Variants in LRRC7 observed in about 807,000 individuals in gnomAD.
The protein encoded by LRRC7 is leucine-rich repeat-containing protein 7.
Under a neutral mutation model 175.7 loss-of-function variants are expected in LRRC7, and 23 were observed. The ratio of observed to expected loss-of-function variants is 0.13; its 90% CI spans 0.09 to 0.19. LRRC7 has a LOEUF of 0.19. LRRC7 is among the 10% of genes least tolerant of loss of function. The probability of loss-of-function intolerance (pLI) is 1.00; values close to 1 mark genes in which losing one functional copy is unlikely to be tolerated. For synonymous variants in LRRC7, 685 were observed against 680.9 expected (o/e 1.01, Z -0.09); for missense variants, 1,354 against 1,904.7 (o/e 0.71, Z 5.38).
intron 8 of LRRC7, among the ~76,000 whole-genome samples, chr1:69,942,259 A>T (rs1008183144): frequency 1.3e-4 from 20 of 152,240 alleles, no homozygotes; most frequent in Non-Finnish European, 1.6e-4. Context: ...GTATCCCCAT[A>T]CAACTTCCTT....
chr1:69,616,246 TC>T (rs892103836), intron 1 of LRRC7, among the ~76,000 whole-genome samples: 6 of 152,034 alleles, frequency 3.9e-5, no homozygotes, highest in Admixed American at 2.0e-4. Flanking sequence ...AGTTAATTTT[TC>T]ATTGGTAAAG....
At chr1:69,997,844 A>G (rs1227044844) in intron 11 of LRRC7, among the ~76,000 whole-genome samples, 1 of 152,012 alleles carries the variant, frequency 6.6e-6, no homozygotes, top group Non-Finnish European at 1.5e-5. Context: ...TTCATCAAGG[A>G]TATTGGTCTA....
At chr1:69,934,198 A>T (rs756790707) in intron 8 of LRRC7, among the ~76,000 whole-genome samples, 2 of 152,164 alleles carry the variant, frequency 1.3e-5, no homozygotes, top group Non-Finnish European at 2.9e-5. Context: ...AGATATTGAC[A>T]CCGTAGGAGA....
chr1:69,721,062 C>G (rs1404853664), intron 2 of LRRC7, among the ~76,000 whole-genome samples: 1 of 151,696 alleles, frequency 6.6e-6, no homozygotes, highest in Non-Finnish European at 1.5e-5. Context: ...AAAACATAGA[C>G]TTTATTTTTA....
intron 10 of LRRC7, among the ~76,000 whole-genome samples, chr1:69,989,822 T>A (rs1408818315): frequency 6.6e-6 from 1 of 152,106 alleles, no homozygotes; most frequent in African/African-American, 2.4e-5. Context: ...ATATAATAAA[T>A]TTGCACTGGC....
intron 4 of LRRC7, among the ~76,000 whole-genome samples, chr1:69,820,911 G>A (rs758643414): frequency 1.3e-5 from 2 of 152,102 alleles, no homozygotes; most frequent in Non-Finnish European, 2.9e-5. Flanking sequence ...AGTATTTCTA[G>A]TTCTAGATCC....
At chr1:69,961,365 C>T (rs967913187) in intron 8 of LRRC7, among the ~76,000 whole-genome samples, 2 of 152,160 alleles carry the variant, frequency 1.3e-5, no homozygotes, top group African/African-American at 4.8e-5. Flanking sequence ...ATTCCATGCT[C>T]ATGAATAAGA....
At chr1:69,975,474 G>A (rs982939458) in intron 8 of LRRC7, among the ~76,000 whole-genome samples, 1 of 151,670 alleles carries the variant, frequency 6.6e-6, no homozygotes, top group Middle Eastern at 3.2e-3. Context: ...ACTCCTCTCC[G>A]ACCTATGGAA....
At chr1:69,632,574 T>G (rs539032597) in intron 1 of LRRC7, among the ~76,000 whole-genome samples, 5 of 152,270 alleles carry the variant, frequency 3.3e-5, no homozygotes, top group Admixed American at 2.0e-4. Context: ...CAAATCACTG[T>G]TCTATTATCA....
rs190491346 is a variant in LRRC7, at chr1:69,587,633, G to A, written c.2+18992G>A. 2.5e-3 allele frequency among the ~76,000 whole-genome samples: 387 copies of A among 152,260 alleles called. 2 individuals are homozygous for A. Among genetic ancestry groups the A allele is most frequent in the Non-Finnish European group, 4.8e-3 (326 of 68,026 alleles). On this transcript the variant is annotated intron_variant, in intron 1 of 26. Transcript: ENST00000651989. ...TTGTAATCTCCACGTGTTGAGGGAGGGATCTGATGGAAGGTAATTGGATCG... is the reference window on the plus strand; with the variant it reads ...TTGTAATCTCCACGTGTTGAGGGAGAGATCTGATGGAAGGTAATTGGATCG...
rs763909923 is a variant in LRRC7, at chr1:70,039,264, G to A, written c.3440G>A (p.Arg1147Lys). 4 of 1,613,960 alleles carry A rather than the reference G, an allele frequency of 2.5e-6. No individual in the cohort carries two copies. The highest frequency in any genetic ancestry group is 1.3e-5 in the African/African-American group (1 of 74,934). Reference protein sequence around the residue: ...VNAQFASQGARAGFLRRADSL... With the variant: ...VNAQFASQGAKAGFLRRADSL... ...GCCCAGTTCGCAAGCCAAGGGGCCA[G>A]GGCGGGCTTCCTGAGAAGGGCCGAC... Residue 1147 changes from arginine (R) to lysine (K), a missense_variant, in exon 21 of 27, where the codon AGG becomes AAG. Physicochemically the swap from Arg to Lys is conservative, Grantham distance 26. Transcript: ENST00000651989.
chr1:69,692,247 T>A (rs1661981241), intron 2 of LRRC7, among the ~76,000 whole-genome samples: 1 of 152,152 alleles, frequency 6.6e-6, no homozygotes, highest in South Asian at 2.1e-4. Flanking sequence ...ACTGGGCTAC[T>A]TATGCCCAGT....
chr1:69,677,271 T>G lies in LRRC7; in HGVS notation c.3-1110T>G, dbSNP rs1382999632. On this transcript the variant is annotated intron_variant, in intron 1 of 26. Coordinates refer to ENST00000651989, the MANE Select transcript of LRRC7 (RefSeq NM_001370785.2). ...ATATATATCATATATATATCATATA[T>G]GTATCATACATATCATATATATCCC... Among the ~76,000 whole-genome samples the G allele has an allele frequency of 2.0e-5, 3 of 148,368 alleles. No homozygotes were observed. The East Asian group carries it at 5.8e-4, about 29-fold the overall frequency.
At chr1:69,904,029 A>G (rs561555008) in intron 7 of LRRC7, among the ~76,000 whole-genome samples, 3 of 152,330 alleles carry the variant, frequency 2.0e-5, no homozygotes, top group Admixed American at 1.3e-4. Context: ...ACCAACCAAA[A>G]AAAGTCCAGG....
intron 10 of LRRC7, 63 bp downstream of exon 10, chr1:69,986,449 T>C (rs1286415187): frequency 6.9e-7 from 1 of 1,459,298 alleles, no homozygotes; most frequent in Non-Finnish European, 9.3e-7. Context: ...TTTTTGGAAG[T>C]ATAGTTTGTC....
At chr1:69,648,400 G>A (rs1277857004) in intron 1 of LRRC7, among the ~76,000 whole-genome samples, 10 of 152,058 alleles carry the variant, frequency 6.6e-5, no homozygotes, top group Non-Finnish European at 1.2e-4. Flanking sequence ...AGCAAGGGTG[G>A]AGCCTATTAA....
intron 2 of LRRC7, among the ~76,000 whole-genome samples, chr1:69,759,556 T>G (rs140510048): frequency 6.6e-6 from 1 of 152,068 alleles, no homozygotes; most frequent in African/African-American, 2.4e-5. Context: ...AGATCCCCAT[T>G]TGGAAGTGAA....
At chr1:69,684,825 A>G (rs775419171) in intron 2 of LRRC7, among the ~76,000 whole-genome samples, 1 of 152,196 alleles carries the variant, frequency 6.6e-6, no homozygotes, top group Non-Finnish European at 1.5e-5. Context: ...GAAGAGAGCC[A>G]CCGATATCTT....
At chr1:69,909,590 A>T (rs1378830271) in intron 7 of LRRC7, among the ~76,000 whole-genome samples, 2 of 152,178 alleles carry the variant, frequency 1.3e-5, no homozygotes, top group Admixed American at 1.3e-4. Flanking sequence ...AACATGTTTA[A>T]TATTGGCCCC....
Sources: allele counts gnomAD v4.1 joint callset (sites outside exome capture counted in the v4.1 genomes callset), GRCh38; gene constraint gnomAD v4.1.1; transcripts MANE v1.5; gene names NCBI Gene and HGNC (gene_info 2026-07-23, HGNC 2026-07-21).